PRKN: variants seen among roughly 807,000 people sequenced by gnomAD.
The protein encoded by PRKN is parkin RBR E3 ubiquitin protein ligase, also known as E3 ubiquitin-protein ligase parkin.
In PRKN, 56 loss-of-function variants were observed where a neutral mutation model predicts 59.5. That is an observed-to-expected ratio of 0.94 (90% confidence interval 0.76 to 1.18). The LOEUF is 1.18. Among genes scored for constraint, PRKN ranks in the 50% most tolerant of loss-of-function variants. PRKN has a pLI of 0.00. For synonymous variants in PRKN, 250 were observed against 222.1 expected (o/e 1.13, Z -1.12); for missense variants, 657 against 596.4 (o/e 1.10, Z -1.06).
At chr6:162,088,095 G>T (rs1779330506) in intron 4 of PRKN, among the ~76,000 whole-genome samples, 1 of 152,248 alleles carries the variant, frequency 6.6e-6, no homozygotes, top group Non-Finnish European at 1.5e-5. Context: ...CATCAATGAG[G>T]ACCTTTAGAG....
chr6:161,650,482 A>G (rs944093201), intron 7 of PRKN, among the ~76,000 whole-genome samples: 1 of 152,166 alleles, frequency 6.6e-6, no homozygotes, highest in Non-Finnish European at 1.5e-5. Context: ...GTCACCAGAA[A>G]TTGTAAGTGA....
At chr6:162,570,096 G>T (rs1780256020) in intron 1 of PRKN, among the ~76,000 whole-genome samples, 1 of 152,048 alleles carries the variant, frequency 6.6e-6, no homozygotes, top group African/African-American at 2.4e-5. Context: ...CTCAAACAAT[G>T]CTATAGGAAA....
At position 161,359,965 on chromosome 6, in the gene PRKN, G is replaced by A; in HGVS notation, c.1285+123C>T. The A allele has an allele frequency of 1.3e-6, 1 of 771,920 alleles. No individual in the cohort carries two copies. Among genetic ancestry groups the A allele is most frequent in the Admixed American group, 1.8e-5 (1 of 54,774 alleles). The allele number at this position is 771,920 out of a possible 1,614,324, so 47.8% of individuals were successfully genotyped here. ...AGTGATAATGGGTAACATTAATCGA[G>A]GGGTTACCCAACACACCAGGCACCT... On this transcript the variant is annotated intron_variant, in intron 11 of 11. Transcript: ENST00000366898. The surrounding 1 kb of genome is among the most constrained non-coding windows in gnomAD (Gnocchi z 5.4).
At chr6:161,580,979 A>C (rs2128137923) in intron 7 of PRKN, among the ~76,000 whole-genome samples, 1 of 151,854 alleles carries the variant, frequency 6.6e-6, no homozygotes, top group South Asian at 2.1e-4. Context: ...AGGCAGATGG[A>C]TCACCTTAGG....
At chr6:161,641,931 T>C (rs1318124887) in intron 7 of PRKN, among the ~76,000 whole-genome samples, 1 of 152,178 alleles carries the variant, frequency 6.6e-6, no homozygotes, top group South Asian at 2.1e-4. Flanking sequence ...TTCCCAACAA[T>C]GTTGAAGTTT....
intron 1 of PRKN, among the ~76,000 whole-genome samples, chr6:162,684,178 G>A (rs1251484705): frequency 6.6e-6 from 1 of 151,978 alleles, no homozygotes; most frequent in African/African-American, 2.4e-5. Context: ...ATGCAGGCTG[G>A]ATTTTACTGA....
chr6:162,266,237 C>A (rs973355585), intron 2 of PRKN, among the ~76,000 whole-genome samples: 1 of 151,912 alleles, frequency 6.6e-6, no homozygotes, highest in Non-Finnish European at 1.5e-5. Context: ...ATCTAAAAAT[C>A]TTTGCTTACT....
rs1172396727 is a variant in PRKN at position 161,377,663 on chromosome 6, G to A, written c.1167+9131C>T. 6.6e-6 allele frequency among the ~76,000 whole-genome samples: 1 copy of A among 152,184 alleles called. No homozygotes were observed. Among genetic ancestry groups the A allele is most frequent in the Non-Finnish European group, 1.5e-5 (1 of 68,038 alleles). On this transcript the variant is annotated intron_variant, in intron 10 of 11. Transcript: ENST00000366898. The surrounding 1 kb of genome is among the most constrained non-coding windows in gnomAD (Gnocchi z 4.2). ...AATCACCAAGGCGGTGGGATTAGGA[G>A]GTGAGGCCTTTGCAAGGTGATTGGG...
chr6:162,715,672 C>A (rs1370397035), intron 1 of PRKN, among the ~76,000 whole-genome samples: 2 of 152,120 alleles, frequency 1.3e-5, no homozygotes, highest in Non-Finnish European at 2.9e-5. Context: ...TTGAGCGGTT[C>A]CTCATTACTC....
At chr6:161,824,362 T>C (rs1452394422) in intron 6 of PRKN, among the ~76,000 whole-genome samples, 2 of 152,244 alleles carry the variant, frequency 1.3e-5, no homozygotes, top group African/African-American at 4.8e-5. Flanking sequence ...GCCAAGAATA[T>C]ACTTGATAAG....
intron 1 of PRKN, among the ~76,000 whole-genome samples, chr6:162,610,965 T>C (rs1782121920): frequency 6.6e-6 from 1 of 152,208 alleles, no homozygotes; most frequent in South Asian, 2.1e-4. Flanking sequence ...AGTAGAAATA[T>C]ATACTTAGCA....
chr6:161,763,566 A>C (rs1177676425), intron 7 of PRKN, among the ~76,000 whole-genome samples: 1 of 152,034 alleles, frequency 6.6e-6, no homozygotes, highest in Non-Finnish European at 1.5e-5. Flanking sequence ...GAGATTGTGC[A>C]TCTGTTTCTG....
chr6:161,433,544 C>T (rs926891856), intron 9 of PRKN, among the ~76,000 whole-genome samples: 3 of 151,888 alleles, frequency 2.0e-5, no homozygotes, highest in Admixed American at 2.0e-4. Context: ...AATATAAACA[C>T]ATGTTAGAGA....
chr6:161,697,812 C>T (rs1786083605), intron 7 of PRKN, among the ~76,000 whole-genome samples: 2 of 152,114 alleles, frequency 1.3e-5, no homozygotes, highest in South Asian at 4.1e-4. Flanking sequence ...CAATCCCTGG[C>T]ATTTTCTAAT....
At chr6:161,516,434 A>ACT (rs1033355685) in intron 9 of PRKN, among the ~76,000 whole-genome samples, 1 of 134,428 alleles carries the variant, frequency 7.4e-6, no homozygotes, top group African/African-American at 2.8e-5. Flanking sequence ...ACCACTGTGC[A>ACT]CTCCAGCCTG....
intron 6 of PRKN, among the ~76,000 whole-genome samples, chr6:161,856,070 C>G (rs1288977909): frequency 1.3e-5 from 2 of 152,148 alleles, no homozygotes; most frequent in Non-Finnish European, 2.9e-5. Context: ...AGATTACGAT[C>G]AAAGATCTGC....
At chr6:162,686,614 AT>A (rs1337586434) in intron 1 of PRKN, among the ~76,000 whole-genome samples, 10 of 152,154 alleles carry the variant, frequency 6.6e-5, no homozygotes, top group African/African-American at 2.4e-4. Context: ...CATGATATAT[AT>A]TTAAAAGGTA....
At position 161,906,812 on chromosome 6, in the gene PRKN, C is replaced by T. The variant is rs111856557; in HGVS notation, c.734+66490G>A. Among the ~76,000 whole-genome samples the T allele has an allele frequency of 1.8e-3, 279 of 151,914 alleles. 1 individual carries two copies. Among genetic ancestry groups the T allele is most frequent in the African/African-American group, 6.6e-3 (272 of 41,402 alleles). The stretch of plus-strand genomic sequence containing the variant: ...CAGTCTGTGGTTTAAGGTCCAAAAG[C>T]CCCGAAGCTGAAGAACTTGGAGTCT... On this transcript the variant is annotated intron_variant, in intron 6 of 11. Coordinates refer to ENST00000366898, the MANE Select transcript of PRKN (RefSeq NM_004562.3).
At chr6:162,439,514 TG>T (rs949245432) in intron 2 of PRKN, among the ~76,000 whole-genome samples, 2 of 152,170 alleles carry the variant, frequency 1.3e-5, no homozygotes, top group African/African-American at 4.8e-5. Flanking sequence ...GATTCTTCCT[TG>T]GGTTCTAAAA....
Sources: gnomAD v4.1 joint callset for allele counts (sites outside exome capture counted in the v4.1 genomes callset) on GRCh38, gnomAD v4.1.1 for gene constraint, Gnocchi (gnomAD v3.1) non-coding constraint, MANE v1.5 for transcripts, NCBI Gene and HGNC (gene_info 2026-07-23, HGNC 2026-07-21) for gene names.